Variants in CNTNAP3B observed in about 807,000 individuals in gnomAD.
The protein encoded by CNTNAP3B is contactin associated protein family member 3B, also known as contactin-associated protein-like 3B.
CNTNAP3B carries 25 observed loss-of-function variants against 108.9 expected under a neutral mutation model. That is an observed-to-expected ratio of 0.23 (90% CI 0.17 to 0.32). The LOEUF (loss-of-function observed/expected upper bound fraction) is 0.32, where lower values mean the gene tolerates loss of function less well. CNTNAP3B is among the 10% of genes least tolerant of loss of function. CNTNAP3B has a pLI of 1.00. For synonymous variants in CNTNAP3B, 103 were observed against 473.4 expected (o/e 0.22, Z 10.16); for missense variants, 252 against 1,210.4 (o/e 0.21, Z 11.75).
chr9:41,924,644 T>TGCGCGCGCGCGCGC (rs1482014228), intron 15 of CNTNAP3B, among the ~76,000 whole-genome samples: 15 of 95,558 alleles, frequency 1.6e-4, no homozygotes, highest in South Asian at 3.6e-4. Context: ...CTTTCCTTCC[T>TGCGCGCGCGCGCGC]GCACACACAC....
At chr9:42,071,390 G>A (rs1827376830) in intron 3 of CNTNAP3B, among the ~76,000 whole-genome samples, 1 of 139,516 alleles carries the variant, frequency 7.2e-6, no homozygotes, top group Non-Finnish European at 1.5e-5. Flanking sequence ...ACAAAGGATG[G>A]ATCTTGCTTG....
At chr9:41,947,910 G>T (rs1335785745) in intron 13 of CNTNAP3B, among the ~76,000 whole-genome samples, 4 of 151,994 alleles carry the variant, frequency 2.6e-5, no homozygotes, top group Non-Finnish European at 4.4e-5. Flanking sequence ...AAATCAACTT[G>T]ACAATTCAGA....
At chr9:41,944,465 G>C (rs1256593202) in intron 13 of CNTNAP3B, among the ~76,000 whole-genome samples, 2 of 152,252 alleles carry the variant, frequency 1.3e-5, no homozygotes, top group South Asian at 2.1e-4. Context: ...AAGTGGAATA[G>C]TGTTATTTGA....
chr9:41,918,472 C>A (rs575775535), intron 18 of CNTNAP3B, among the ~76,000 whole-genome samples: 3,659 of 102,904 alleles, frequency 0.036, 36 homozygotes, highest in African/African-American at 0.079. Context: ...ATACACACAC[C>A]CCCCAAATAT....
At chr9:41,967,211 A>G (rs1340817646) in intron 10 of CNTNAP3B, among the ~76,000 whole-genome samples, 1 of 152,042 alleles carries the variant, frequency 6.6e-6, no homozygotes, top group Non-Finnish European at 1.5e-5. Context: ...CTTGAATTGT[A>G]GTTCTCATAA....
At chr9:42,117,251 C>G (rs1564199818) in intron 1 of CNTNAP3B, among the ~76,000 whole-genome samples, 1 of 133,574 alleles carries the variant, frequency 7.5e-6, no homozygotes, top group Non-Finnish European at 1.6e-5. Flanking sequence ...CACACTTACT[C>G]CAAAATTGAC....
intron 13 of CNTNAP3B, among the ~76,000 whole-genome samples, chr9:41,939,944 G>A (rs1196205288): frequency 6.6e-6 from 1 of 151,984 alleles, no homozygotes; most frequent in African/African-American, 2.4e-5. Context: ...GGAAGCTTAG[G>A]ACCCCAGGAC....
intron 2 of CNTNAP3B, among the ~76,000 whole-genome samples, chr9:42,095,603 C>T (rs1274890190): frequency 7.3e-6 from 1 of 137,872 alleles, no homozygotes; most frequent in Non-Finnish European, 1.5e-5. Flanking sequence ...AAATCACAAA[C>T]TCATGAGGGA....
At chr9:42,056,326 T>TTTTTTATTA (rs1554753495) in intron 3 of CNTNAP3B, among the ~76,000 whole-genome samples, 1,621 of 129,112 alleles carry the variant, frequency 0.013, 89 homozygotes, top group African/African-American at 0.029. Context: ...TCTCATGAAT[T>TTTTTTATTA]TTATTATTAT....
rs1467071168 is a variant in CNTNAP3B at position 42,127,225 on chromosome 9, G to A, written c.85+1785C>T. ...TCACTCAGCAACTCGCGAGAGTCCCGTCTGGTGCTGAGTCCGTTTGGAATA... is the reference window on the plus strand; with the variant it reads ...TCACTCAGCAACTCGCGAGAGTCCCATCTGGTGCTGAGTCCGTTTGGAATA... On this transcript the variant is annotated intron_variant, in intron 1 of 23. Coordinates refer to ENST00000377561, the MANE Select transcript of CNTNAP3B (RefSeq NM_001201380.3). Among the ~76,000 whole-genome samples, 10 of 138,554 alleles carry A rather than the reference G, an allele frequency of 7.2e-5. 2 individuals are homozygous for A. Among genetic ancestry groups the A allele is most frequent in the African/African-American group, 1.4e-4 (5 of 34,678 alleles). The allele number at this position is 138,554 out of a possible 152,430, so 90.9% of individuals were successfully genotyped here.
At chr9:41,919,410 A>C (rs1823608296) in intron 18 of CNTNAP3B, among the ~76,000 whole-genome samples, 1 of 151,852 alleles carries the variant, frequency 6.6e-6, no homozygotes, top group African/African-American at 2.4e-5. Context: ...CACCACGCCC[A>C]GCCCTTTTCT....
intron 13 of CNTNAP3B, among the ~76,000 whole-genome samples, chr9:41,949,958 A>G (rs1357298449): frequency 6.6e-6 from 1 of 152,122 alleles, no homozygotes; most frequent in South Asian, 2.1e-4. Flanking sequence ...AGAGTGGGAA[A>G]AAATATTCGC....
intron 13 of CNTNAP3B, among the ~76,000 whole-genome samples, chr9:41,950,545 G>A (rs1256626231): frequency 8.0e-6 from 1 of 125,152 alleles, no homozygotes; most frequent in Non-Finnish European, 1.7e-5. Context: ...TTGCTAATCA[G>A]CAATGAAAAG....
chr9:42,094,042 T>C lies in CNTNAP3B; in HGVS notation c.196+10587A>G, dbSNP rs1473368558. Among the ~76,000 whole-genome samples the C allele has an allele frequency of 6.6e-5, 9 of 135,468 alleles. 1 individual carries two copies. Among genetic ancestry groups the C allele is most frequent in the Admixed American group, 1.5e-4 (2 of 13,444 alleles). The allele number at this position is 135,468 out of a possible 152,430, so 88.9% of individuals were successfully genotyped here. On this transcript the variant is annotated intron_variant, in intron 2 of 23. Transcript: ENST00000377561. ...GGGAGATAAAGGAATTTGTCCAAAGTCACACAGCTAGTAAGGGGTAGAGCC... is the reference window on the plus strand; with the variant it reads ...GGGAGATAAAGGAATTTGTCCAAAGCCACACAGCTAGTAAGGGGTAGAGCC...
At chr9:42,086,224 C>T (rs1004089320) in intron 2 of CNTNAP3B, among the ~76,000 whole-genome samples, 4 of 142,278 alleles carry the variant, frequency 2.8e-5, no homozygotes, top group South Asian at 2.2e-4. Context: ...TTCTCAACTA[C>T]GAGAACAGTA....
chr9:42,119,179 C>A (rs1828398386), intron 1 of CNTNAP3B, among the ~76,000 whole-genome samples: 1 of 100,844 alleles, frequency 9.9e-6, no homozygotes, highest in African/African-American at 4.2e-5. Flanking sequence ...TTCTTATACA[C>A]CAATAACAGA....
At chr9:41,928,604 C>T (rs1249957979) in intron 15 of CNTNAP3B, among the ~76,000 whole-genome samples, 918 of 152,012 alleles carry the variant, frequency 6.0e-3, no homozygotes, top group African/African-American at 0.021. Context: ...CCTTGTTGAA[C>T]CACCCCTCTC....
intron 12 of CNTNAP3B, among the ~76,000 whole-genome samples, chr9:41,958,952 G>A (rs1007027053): frequency 7.2e-6 from 1 of 139,720 alleles, no homozygotes; most frequent in African/African-American, 2.9e-5. Flanking sequence ...TCTTCCTGGA[G>A]TTTTTAATTC....
intron 1 of CNTNAP3B, among the ~76,000 whole-genome samples, chr9:42,121,329 A>G (rs1828457424): frequency 7.2e-6 from 1 of 139,322 alleles, no homozygotes; most frequent in Non-Finnish European, 1.5e-5. Context: ...CTCACTTTCT[A>G]AAAGAGGCTA....
Sources: gnomAD v4.1 joint callset for allele counts (sites outside exome capture counted in the v4.1 genomes callset) on GRCh38, gnomAD v4.1.1 for gene constraint, MANE v1.5 for transcripts, NCBI Gene and HGNC (gene_info 2026-07-23, HGNC 2026-07-21) for gene names.